Variants in MYO1C observed in about 807,000 individuals in gnomAD.
MYO1C encodes the protein myosin IC.
In MYO1C, 104 loss-of-function variants were observed where a neutral mutation model predicts 150.8. The ratio of observed to expected loss-of-function variants is 0.69; its 90% confidence interval spans 0.59 to 0.81. The LOEUF (loss-of-function observed/expected upper bound fraction) is 0.81. Ranked by LOEUF, MYO1C falls within the 30% of genes least tolerant of loss-of-function variation. The pLI is 0.00. For synonymous variants in MYO1C, 663 were observed against 579.9 expected (o/e 1.14, Z -2.06); for missense variants, 1,504 against 1,435.0 (o/e 1.05, Z -0.78).
intron 2 of MYO1C, 34 bp downstream of exon 2, chr17:1,484,114 C>T: frequency 6.2e-7 from 1 of 1,611,072 alleles, no homozygotes; most frequent in East Asian, 2.2e-5. Flanking sequence ...TCTGTGACCC[C>T]AGCACCCCTG....
At chr17:1,466,787 C>G (rs887821285) in intron 31 of MYO1C, among the ~76,000 whole-genome samples, 1 of 152,012 alleles carries the variant, frequency 6.6e-6, no homozygotes, top group African/African-American at 2.4e-5. Flanking sequence ...CCACCACGCC[C>G]GGCTAATTTT....
rs1376590190 is a variant in MYO1C, at chr17:1,470,447, T to A, written c.2354A>T (p.Gln785Leu). The change falls in exon 23 of 32, where the codon CAG becomes CTG. Residue 785 changes from glutamine to leucine, a missense_variant. Gln to Leu is a moderately radical substitution (Grantham distance 113). Coordinates refer to ENST00000648651, the MANE Select transcript of MYO1C (RefSeq NM_001080779.2). ...CCCTGGCGCTCACCGCCGGATGGTC[T>A]GTGCCGCCCACTTCCTCTTGGCTGC... ...RKAAKRKWAA[Q>L]TIRRLIRGFV... 6.4e-7 allele frequency: 1 copy of A among 1,550,632 alleles called. No homozygotes were observed. Among genetic ancestry groups the A allele is most frequent in the Non-Finnish European group, 8.7e-7 (1 of 1,147,060 alleles).
chr17:1,478,248 G>T lies in MYO1C; in HGVS notation c.1296-56C>A. On this transcript the variant is annotated intron_variant, in intron 11 of 31. Coordinates refer to ENST00000648651, the MANE Select transcript of MYO1C (RefSeq NM_001080779.2). The surrounding 1 kb of genome is among the most constrained non-coding windows in gnomAD (Gnocchi z 6.3). Reference sequence around the variant, plus strand: ...TCAGTGGGGACACAGGACCAGGAGAGGGGAAAAGCTGGACGACGCCCCTGA... The same window carrying T: ...TCAGTGGGGACACAGGACCAGGAGATGGGAAAAGCTGGACGACGCCCCTGA... 6.3e-7 allele frequency: 1 copy of T among 1,584,444 alleles called. No individual in the cohort carries two copies.
intron 1 of MYO1C, chr17:1,485,908 A>T: frequency 6.7e-6 from 1 of 148,582 alleles, no homozygotes; most frequent in Non-Finnish European, 1.4e-5. Flanking sequence ...GGGTTGGTGG[A>T]GGTGGGGGTG....
Position 1,468,102 on chromosome 17 carries a change from A to T in MYO1C, c.2782T>A (p.Tyr928Asn). Residue 928 changes from tyrosine to asparagine, a missense_variant, in exon 28 of 32, where the codon TAC (tyrosine) becomes AAC (asparagine). Transcript: ENST00000648651. ...PIQYAVPVVK[Y>N]DRKGYKPRSR... ...CGAGGCTTGTAGCCCTTGCGGTCGT[A>T]TTTCACAACAGGCACCGCATACTGG... is the stretch of plus-strand genomic sequence containing the variant. 1 of 1,613,488 alleles carries T rather than the reference A, an allele frequency of 6.2e-7. No individual in the cohort carries two copies. Among genetic ancestry groups the T allele is most frequent in the East Asian group, 2.2e-5 (1 of 44,770 alleles).
At position 1,470,517 on chromosome 17, in the gene MYO1C, T is replaced by C; in HGVS notation, c.2284A>G (p.Ile762Val). 2 of 1,553,272 alleles carry C rather than the reference T, an allele frequency of 1.3e-6. No individual in the cohort carries two copies. The highest frequency in any genetic ancestry group is 1.7e-6 in the Non-Finnish European group (2 of 1,148,058). ...CCACGCCACCACGACTGGATGCAGA[T>C]GGCTGTCGTGGAGACCACAGATGGC... ...QKFLRVKRSA[I>V]CIQSWWRGTL... The change falls in exon 23 of 32, where the codon ATC becomes GTC. Residue 762 changes from isoleucine (I) to valine (V), a missense_variant and splice_region_variant. Transcript: ENST00000648651.
chr17:1,475,050 G>T lies in MYO1C; in HGVS notation c.1575-18C>A, dbSNP rs1320076186. 1.3e-6 allele frequency: 2 copies of T among 1,550,428 alleles called. No homozygotes were observed. The highest frequency in any genetic ancestry group is 8.7e-7 in the Non-Finnish European group (1 of 1,146,798). On this transcript the variant is annotated intron_variant, in intron 14 of 31. Coordinates refer to ENST00000648651, the MANE Select transcript of MYO1C (RefSeq NM_001080779.2). ...GCTTGTGCCTGGGGGTGACAGGGAG[G>T]AAGCTGCAGATGGCTGCCGGCCTGA...
chr17:1,467,240 A>G lies in MYO1C; in HGVS notation c.3165+2T>C. The stretch of plus-strand genomic sequence containing the variant: ...ATAAGCGGGAAAGCAGGCCCCACTC[A>G]CCACAGCCAGGTGCCCGTTCTTGGC... On this transcript the variant is annotated splice_donor_variant, in intron 31 of 31. Coordinates refer to ENST00000648651, the MANE Select transcript of MYO1C (RefSeq NM_001080779.2). LOFTEE classifies it high-confidence loss of function. The G allele has an allele frequency of 6.2e-7, 1 of 1,610,484 alleles. No individual in the cohort carries two copies. The highest frequency in any genetic ancestry group is 8.5e-7 in the Non-Finnish European group (1 of 1,178,390).
intron 31 of MYO1C, 45 bp from the exon 32 acceptor site, chr17:1,465,797 G>T (rs1352404269): frequency 7.7e-6 from 10 of 1,298,144 alleles, no homozygotes; most frequent in African/African-American, 1.5e-5. Context: ...GGGAGCAGAC[G>T]GGGGCCCCGG....
At chr17:1,487,347 G>A (rs750076015) in intron 1 of MYO1C, among the ~76,000 whole-genome samples, 89 of 152,380 alleles carry the variant, frequency 5.8e-4, no homozygotes, top group Admixed American at 1.6e-3. Flanking sequence ...CCCTGGTGGG[G>A]TTAGGCAGAG....
At chr17:1,481,729 G>A (rs912042283) in intron 5 of MYO1C, among the ~76,000 whole-genome samples, 2 of 150,214 alleles carry the variant, frequency 1.3e-5, no homozygotes, top group East Asian at 2.0e-4. Flanking sequence ...TTGAACTCCC[G>A]ACCTCACGTG....
chr17:1,466,567 A>T (rs1211739764), intron 31 of MYO1C, among the ~76,000 whole-genome samples: 1 of 150,550 alleles, frequency 6.6e-6, no homozygotes, highest in East Asian at 2.0e-4. Context: ...ACCTCAGGTG[A>T]TCCACTTGCC....
rs6502733 is a variant in MYO1C at position 1,479,881 on chromosome 17, G to C, written c.907-176C>G. ...TGCGGGTGGGATGGGCACGGTGGCTGACGCCTGTAATCCCAGCACTTTGGG... is the reference window on the plus strand; with the variant it reads ...TGCGGGTGGGATGGGCACGGTGGCTCACGCCTGTAATCCCAGCACTTTGGG... On this transcript the variant is annotated intron_variant, in intron 7 of 31. Coordinates refer to ENST00000648651, the MANE Select transcript of MYO1C (RefSeq NM_001080779.2). This position sits in a 1 kb window ranked among gnomAD's most constrained non-coding sequence, Gnocchi z 4.2. Among the ~76,000 whole-genome samples, 5,001 of 152,106 alleles carry C rather than the reference G, an allele frequency of 0.033. 266 individuals are homozygous for C. The highest frequency in any genetic ancestry group is 0.11 in the African/African-American group (4,404 of 41,490).
intron 4 of MYO1C, 73 bp from the exon 5 acceptor site, chr17:1,482,631 T>G: frequency 1.3e-6 from 1 of 745,072 alleles, no homozygotes; most frequent in Non-Finnish European, 1.9e-6. Flanking sequence ...TTGTAGCTAC[T>G]GCTGCCCCTC....
At chr17:1,485,415 G>C (rs1387166261) in intron 1 of MYO1C, 1 of 961,926 alleles carries the variant, frequency 1.0e-6, no homozygotes, top group African/African-American at 1.8e-5. Flanking sequence ...ATCCCGCGCC[G>C]AAGCGGCTGC....
rs555285653 is a variant in MYO1C, at chr17:1,480,859, G to A, written c.654C>T (p.Leu218=). The change falls in exon 6 of 32, where the codon CTC becomes CTT. Residue 218 remains leucine, a synonymous_variant. Transcript: ENST00000648651. ...CTCGTGACTTTTCCAGGAGGTAACT[G>A]AGGATGTGGCCACCCACGGGGGCAC... ...FKGAPVGGHI[L]SYLLEKSRVV... 13 of 1,614,164 alleles carry A rather than the reference G, an allele frequency of 8.1e-6. No homozygotes were observed. The South Asian group carries it at 1.4e-4, about 18-fold the overall frequency.
rs200771137 is a variant in MYO1C at position 1,470,574 on chromosome 17, C to T, written c.2281+47G>A. ...CTATCTTCTTACCATGGTGGCCCCCCCTGGCCCCAGACCCCGCCCCTCCTG... is the reference window on the plus strand; with the variant it reads ...CTATCTTCTTACCATGGTGGCCCCCTCTGGCCCCAGACCCCGCCCCTCCTG... On this transcript the variant is annotated intron_variant, in intron 22 of 31. Transcript: ENST00000648651. 8,382 of 1,584,478 alleles carry T rather than the reference C, an allele frequency of 5.3e-3. 33 individuals carry two copies. The highest frequency in any genetic ancestry group is 6.0e-3 in the Non-Finnish European group (6,995 of 1,163,952).
intron 17 of MYO1C, among the ~76,000 whole-genome samples, chr17:1,474,052 G>A (rs1185055907): frequency 6.6e-6 from 1 of 152,092 alleles, no homozygotes; most frequent in Non-Finnish European, 1.5e-5. Flanking sequence ...CACAGAGACA[G>A]ACGTACACAA....
intron 24 of MYO1C, among the ~76,000 whole-genome samples, 159 bp from the exon 25 acceptor site, chr17:1,469,773 G>T (rs1483811605): frequency 6.6e-6 from 1 of 152,174 alleles, no homozygotes; most frequent in Non-Finnish European, 1.5e-5. Context: ...GGTGGCTCAC[G>T]CCTGGAATCC....
Sources: gnomAD v4.1 joint callset for allele counts (sites outside exome capture counted in the v4.1 genomes callset) on GRCh38, gnomAD v4.1.1 for gene constraint, Gnocchi (gnomAD v3.1) non-coding constraint, MANE v1.5 for transcripts, NCBI Gene and HGNC (gene_info 2026-07-23, HGNC 2026-07-21) for gene names.